The following GRIA2 variants were observed in gnomAD, a reference collection of about 807,000 sequenced individuals.
GRIA2 encodes glutamate receptor 2.
In GRIA2, 14 loss-of-function variants were observed where a neutral mutation model predicts 97.3. The ratio of observed to expected loss-of-function variants is 0.14; its 90% CI spans 0.10 to 0.23. The LOEUF (loss-of-function observed/expected upper bound fraction) is 0.23. Among genes scored for constraint, GRIA2 ranks in the 10% least tolerant of loss-of-function variants. The pLI is 1.00. For missense variants in GRIA2, 558 were observed against 1,069.8 expected (o/e 0.52, Z 6.67); for synonymous variants, 412 against 387.8 (o/e 1.06, Z -0.73).
chr4:157,318,295 TG>T (rs1193276689), intron 5 of GRIA2, among the ~76,000 whole-genome samples: 1 of 152,186 alleles, frequency 6.6e-6, no homozygotes, highest in Non-Finnish European at 1.5e-5. Flanking sequence ...ATATAATATC[TG>T]AAATAAATGT....
intron 3 of GRIA2, among the ~76,000 whole-genome samples, chr4:157,305,618 C>G (rs1733808978): frequency 6.6e-6 from 1 of 152,088 alleles, no homozygotes; most frequent in South Asian, 2.1e-4. Flanking sequence ...TTCACTTTCT[C>G]AGATGCACCA....
At chr4:157,359,055 T>C (rs1205726445) in intron 12 of GRIA2, among the ~76,000 whole-genome samples, 2 of 152,148 alleles carry the variant, frequency 1.3e-5, no homozygotes, top group African/African-American at 2.4e-5. Context: ...AATAGAAAAA[T>C]AAGCAGACAT....
intron 4 of GRIA2, among the ~76,000 whole-genome samples, chr4:157,316,776 A>G (rs1437180286): frequency 6.6e-6 from 1 of 152,224 alleles, no homozygotes; most frequent in Non-Finnish European, 1.5e-5. Context: ...ATTTTTGTCT[A>G]TAGCCTTAAC....
intron 2 of GRIA2, among the ~76,000 whole-genome samples, chr4:157,222,055 G>GCATTA (rs983430924): frequency 3.3e-5 from 5 of 152,068 alleles, no homozygotes; most frequent in Admixed American, 6.5e-5. Flanking sequence ...TTAGGGAGCC[G>GCATTA]GGGTGAGGGT....
chr4:157,312,995 G>A (rs558814785), intron 4 of GRIA2, 120 bp downstream of exon 4: 25 of 550,544 alleles, frequency 4.5e-5, no homozygotes, highest in Non-Finnish European at 5.4e-5. Context: ...GTTTTATGTC[G>A]GATGCAGCAA....
At chr4:157,230,519 C>CTTCT (rs1729955040) in intron 2 of GRIA2, among the ~76,000 whole-genome samples, 5 of 148,718 alleles carry the variant, frequency 3.4e-5, no homozygotes, top group African/African-American at 1.2e-4. Flanking sequence ...TCCTTCTTTC[C>CTTCT]TTCCTTTCTT....
At chr4:157,359,079 C>G (rs1736522022) in intron 12 of GRIA2, among the ~76,000 whole-genome samples, 1 of 152,140 alleles carries the variant, frequency 6.6e-6, no homozygotes, top group Non-Finnish European at 1.5e-5. Context: ...AATGCTTTGA[C>G]TTTCCAACTC....
intron 2 of GRIA2, among the ~76,000 whole-genome samples, chr4:157,282,274 A>C (rs907926770): frequency 1.3e-5 from 2 of 152,136 alleles, no homozygotes; most frequent in Non-Finnish European, 2.9e-5. Flanking sequence ...CAAGTAGGCA[A>C]GAATGTGGGT....
At chr4:157,273,985 T>A (rs1423895397) in intron 2 of GRIA2, among the ~76,000 whole-genome samples, 2 of 151,986 alleles carry the variant, frequency 1.3e-5, no homozygotes, top group Non-Finnish European at 2.9e-5. Context: ...GGGAAAAATA[T>A]CTCACCTATA....
At chr4:157,317,006 A>T (rs890173613) in intron 4 of GRIA2, among the ~76,000 whole-genome samples, 1 of 152,174 alleles carries the variant, frequency 6.6e-6, no homozygotes, top group Admixed American at 6.5e-5. Context: ...TTATCTTGAC[A>T]TTCATTTTAG....
At chr4:157,327,490 C>T (rs1385253808) in intron 6 of GRIA2, among the ~76,000 whole-genome samples, 4 of 151,872 alleles carry the variant, frequency 2.6e-5, no homozygotes, top group African/African-American at 7.3e-5. Flanking sequence ...ATTTTATCTT[C>T]CTTAAAAGTA....
chr4:157,228,274 A>G (rs985967856), intron 2 of GRIA2, among the ~76,000 whole-genome samples: 1 of 152,302 alleles, frequency 6.6e-6, no homozygotes, highest in Non-Finnish European at 1.5e-5. Flanking sequence ...TGTATTTGCT[A>G]TACATATGGA....
intron 2 of GRIA2, among the ~76,000 whole-genome samples, chr4:157,239,910 G>A (rs904625430): frequency 2.6e-5 from 4 of 151,138 alleles, no homozygotes; most frequent in Non-Finnish European, 4.4e-5. Flanking sequence ...TCTTACTATC[G>A]TATATCTAAT....
intron 2 of GRIA2, among the ~76,000 whole-genome samples, chr4:157,237,226 G>A: frequency 6.6e-6 from 1 of 151,144 alleles, no homozygotes; most frequent in Non-Finnish European, 1.5e-5. Context: ...CCTTCGTAAG[G>A]TTAGCCAATT....
In GRIA2 at chr4:157,221,737, T is replaced by C; in HGVS notation, c.159T>C (p.Thr53=). 1 of 1,613,934 alleles carries C rather than the reference T, an allele frequency of 6.2e-7. No individual in the cohort carries two copies. ...GAGTAGGGATGGTTCAGTTTTCCACTTCGGAGTTCAGACTGACACCCCACA... is the reference window on the plus strand; with the variant it reads ...GAGTAGGGATGGTTCAGTTTTCCACCTCGGAGTTCAGACTGACACCCCACA... The part of the protein sequence containing the change: ...AFRVGMVQFS[T]SEFRLTPHID... The change falls in exon 2 of 16, where the codon ACT becomes ACC. Residue 53 remains threonine (T), a synonymous_variant. Transcript: ENST00000264426.
At position 157,335,637 on chromosome 4, in the gene GRIA2, T is replaced by G. The variant is rs200156164; in HGVS notation, c.1267-34T>G. On this transcript the variant is annotated intron_variant, in intron 9 of 15. Transcript: ENST00000264426. The stretch of plus-strand genomic sequence containing the variant: ...TGAGAGTACATAATTAACACAGATA[T>G]TTTAATCAGCTAAAGCAAAGTCTTT... 86 of 1,281,030 alleles carry G rather than the reference T, an allele frequency of 6.7e-5. No individual in the cohort carries two copies. In the African/African-American group the frequency reaches 9.8e-4, roughly 15 times the overall value. 79.4% of individuals were successfully genotyped at this position (1,281,030 alleles called of 1,614,324 possible).
At chr4:157,249,571 G>A (rs533659228) in intron 2 of GRIA2, 1 of 152,250 alleles carries the variant, frequency 6.6e-6, no homozygotes, top group Non-Finnish European at 1.5e-5. Context: ...TTTGTACCTA[G>A]AATTTCTGAC....
intron 2 of GRIA2, among the ~76,000 whole-genome samples, chr4:157,295,739 A>C (rs1733318454): frequency 6.6e-6 from 1 of 152,102 alleles, no homozygotes; most frequent in Non-Finnish European, 1.5e-5. Context: ...AGAACATTGT[A>C]TTTACCTACA....
intron 2 of GRIA2, among the ~76,000 whole-genome samples, chr4:157,225,546 A>G (rs1229500937): frequency 6.6e-6 from 1 of 152,016 alleles, no homozygotes; most frequent in East Asian, 1.9e-4. Context: ...TAGGAATCCA[A>G]TCATTCATTC....
Sources: gnomAD v4.1 joint callset for allele counts (sites outside exome capture counted in the v4.1 genomes callset) on GRCh38, gnomAD v4.1.1 for gene constraint, MANE v1.5 for transcripts, NCBI Gene and HGNC (gene_info 2026-07-23, HGNC 2026-07-21) for gene names.